Variants in IQGAP1 observed in about 807,000 individuals in gnomAD.
IQGAP1 encodes the protein ras GTPase-activating-like protein IQGAP1.
A neutral mutation model predicts 215.6 loss-of-function variants in IQGAP1; 66 were observed. The observed-to-expected ratio is 0.31, with a 90% confidence interval of 0.25 to 0.38. The LOEUF (loss-of-function observed/expected upper bound fraction) is 0.38, where lower values mean the gene tolerates loss of function less well. Ranked by LOEUF, IQGAP1 falls within the 10% of genes least tolerant of loss-of-function variation. The pLI, the probability that IQGAP1 is intolerant of heterozygous loss-of-function variation, is 1.00. For missense variants in IQGAP1, 1,712 were observed against 1,997.1 expected, an observed-to-expected ratio of 0.86 and a Z score of 2.72; for synonymous variants, 772 against 728.7, an observed-to-expected ratio of 1.06 and a Z score of -0.96.
At chr15:90,487,436 C>A in intron 32 of IQGAP1, 59 bp from the exon 33 acceptor site, 1 of 1,246,922 alleles carries the variant, frequency 8.0e-7, no homozygotes, top group South Asian at 1.2e-5. Flanking sequence ...CTGCTTCGGT[C>A]CACTTGAGAG....
At chr15:90,428,067 G>A (rs2151014614) in intron 3 of IQGAP1, among the ~76,000 whole-genome samples, 1 of 152,076 alleles carries the variant, frequency 6.6e-6, no homozygotes, top group Middle Eastern at 3.4e-3. Flanking sequence ...TTTGTTGTTG[G>A]TTGGTTGGTT....
intron 2 of IQGAP1, among the ~76,000 whole-genome samples, chr15:90,395,475 C>T (rs1964702717): frequency 1.3e-5 from 2 of 152,156 alleles, no homozygotes; most frequent in Non-Finnish European, 2.9e-5. Flanking sequence ...CGCCCACCAC[C>T]ACGCCTGGCT....
At chr15:90,470,944 A>G (rs1488880373) in intron 18 of IQGAP1, among the ~76,000 whole-genome samples, 2 of 151,918 alleles carry the variant, frequency 1.3e-5, no homozygotes, top group African/African-American at 4.8e-5. Context: ...TGAATTATAC[A>G]AAGAGTCCAT....
At position 90,440,698 on chromosome 15, in the gene IQGAP1, CATT is replaced by C; in HGVS notation, c.649+86_649+88del. 4.8e-6 allele frequency: 4 copies of C among 827,932 alleles called. No homozygotes were observed. In the South Asian group the frequency reaches 6.6e-5, roughly 14 times the overall value. The allele number at this position is 827,932 out of a possible 1,614,324, so 51.3% of individuals were successfully genotyped here. Reference sequence around the variant, plus strand: ...TTAATTCTATAGTGATGATCTAGGACATTATGAATCTTGCCAGCAAGTTTAAGT... The same window carrying C: ...TTAATTCTATAGTGATGATCTAGGACATGAATCTTGCCAGCAAGTTTAAGT... On this transcript the variant is annotated intron_variant, in intron 7 of 37. Transcript: ENST00000268182.
intron 9 of IQGAP1, among the ~76,000 whole-genome samples, chr15:90,446,575 T>A (rs1386089842): frequency 6.6e-6 from 1 of 152,116 alleles, no homozygotes. Flanking sequence ...AAGGCAGAAT[T>A]CCCTATAAAA....
At chr15:90,396,389 A>G (rs1964719274) in intron 2 of IQGAP1, among the ~76,000 whole-genome samples, 1 of 152,174 alleles carries the variant, frequency 6.6e-6, no homozygotes, top group Non-Finnish European at 1.5e-5. Flanking sequence ...AATTCTCAAA[A>G]TGAGGAGCAT....
chr15:90,403,790 C>T (rs926922457), intron 2 of IQGAP1, among the ~76,000 whole-genome samples: 7 of 152,184 alleles, frequency 4.6e-5, no homozygotes, highest in African/African-American at 2.4e-5. Context: ...TGTCCCGCCT[C>T]AGCCTCCCAA....
chr15:90,444,289 A>ATT (rs759649205), intron 9 of IQGAP1, among the ~76,000 whole-genome samples: 5,478 of 117,402 alleles, frequency 0.047, 224 homozygotes, highest in South Asian at 0.094. Flanking sequence ...GTATATATAT[A>ATT]TTTTTTTTTT....
In IQGAP1 at chr15:90,486,086, A is replaced by G. The variant is rs114361502; in HGVS notation, c.3978A>G (p.Glu1326=). The change falls in exon 31 of 38, where the codon GAA becomes GAG. Residue 1326 remains glutamate, a synonymous_variant. Transcript: ENST00000268182. ...CGGAGCACAATGATCCAATCCACGA[A>G]CTGCTGGACGACCTCGGCGAGGTGC... The part of the protein sequence containing the change: ...IAPEHNDPIH[E]LLDDLGEVPT... 3.1e-3 allele frequency: 4,939 copies of G among 1,613,932 alleles called. 97 individuals carry two copies. The African/African-American group carries it at 0.051, about 17-fold the overall frequency.
intron 25 of IQGAP1, 92 bp downstream of exon 25, chr15:90,477,322 C>T: frequency 1.9e-6 from 2 of 1,061,152 alleles, no homozygotes; most frequent in Non-Finnish European, 2.7e-6. Flanking sequence ...TTTTCTTGAT[C>T]TCAATTAATT....
intron 28 of IQGAP1, 148 bp from the exon 29 acceptor site, chr15:90,483,213 A>G (rs1027367624): frequency 3.8e-5 from 23 of 610,838 alleles, no homozygotes; most frequent in African/African-American, 3.7e-4. Flanking sequence ...GAGTGTGTAT[A>G]TGTGCATGCA....
At chr15:90,456,951 A>C (rs1237440494) in intron 15 of IQGAP1, among the ~76,000 whole-genome samples, 1 of 52,936 alleles carries the variant, frequency 1.9e-5, no homozygotes, top group Admixed American at 1.5e-4. Context: ...TATATATATA[A>C]TATACGTATA....
chr15:90,461,752 G>A lies in IQGAP1; in HGVS notation c.1777-4249G>A, dbSNP rs192653755. Among the ~76,000 whole-genome samples, 839 of 151,466 alleles carry A rather than the reference G, an allele frequency of 5.5e-3. 6 individuals are homozygous for A. The highest frequency in any genetic ancestry group is 0.019 in the African/African-American group (804 of 41,270). On this transcript the variant is annotated intron_variant, in intron 15 of 37. Transcript: ENST00000268182. ...TGAGGCAGGAGGATTGCTTGAACCC[G>A]GGAGTAGGAGGTTGCAGTAAGCTGA...
At position 90,455,225 on chromosome 15, in the gene IQGAP1, G is replaced by A. The variant is rs138736330; in HGVS notation, c.1612+673G>A. ...GTGTCCAGAGTTTTTATTTGGGTTC[G>A]TTACATATGCGTGATTGATAGTATT... On this transcript the variant is annotated intron_variant, in intron 14 of 37. Transcript: ENST00000268182. Among the ~76,000 whole-genome samples the A allele has an allele frequency of 7.8e-3, 1,180 of 152,210 alleles. 14 individuals are homozygous for A. Among genetic ancestry groups the A allele is most frequent in the African/African-American group, 0.027 (1,126 of 41,524 alleles).
intron 18 of IQGAP1, among the ~76,000 whole-genome samples, chr15:90,470,133 G>A (rs1965885727): frequency 6.6e-6 from 1 of 152,184 alleles, no homozygotes; most frequent in Non-Finnish European, 1.5e-5. Context: ...TTTTCAGCAT[G>A]TGACCTGACC....
chr15:90,417,902 G>A (rs921088813), intron 2 of IQGAP1, among the ~76,000 whole-genome samples: 2 of 152,144 alleles, frequency 1.3e-5, no homozygotes, highest in Non-Finnish European at 2.9e-5. Context: ...GCAGTGGTTT[G>A]TAGTTCTCCT....
chr15:90,421,510 A>T (rs1184030306), intron 2 of IQGAP1, among the ~76,000 whole-genome samples: 2 of 151,984 alleles, frequency 1.3e-5, no homozygotes, highest in Non-Finnish European at 2.9e-5. Context: ...ATGGTTTAGC[A>T]GCTCTATATT....
chr15:90,474,415 G>T, intron 22 of IQGAP1, 70 bp from the exon 23 acceptor site: 1 of 1,219,540 alleles, frequency 8.2e-7, no homozygotes, highest in Non-Finnish European at 1.2e-6. Flanking sequence ...ACTTTTTCAA[G>T]ACAATGCTAT....
chr15:90,491,237 A>T, intron 33 of IQGAP1, 96 bp from the exon 34 acceptor site: 2 of 1,014,422 alleles, frequency 2.0e-6, no homozygotes, highest in Non-Finnish European at 2.9e-6. Flanking sequence ...GTTGGAGTTT[A>T]AGAACTGTAT....
Sources: allele counts gnomAD v4.1 joint callset (sites outside exome capture counted in the v4.1 genomes callset), GRCh38; gene constraint gnomAD v4.1.1; transcripts MANE v1.5; gene names NCBI Gene and HGNC (gene_info 2026-07-23, HGNC 2026-07-21).